HSF4: variants seen among roughly 807,000 people sequenced by gnomAD.
The protein encoded by HSF4 is heat shock transcription factor 4.
HSF4 carries 41 observed loss-of-function variants against 52.0 expected under a neutral mutation model. The observed-to-expected ratio is 0.79, with a 90% CI of 0.61 to 1.02. HSF4 has a LOEUF of 1.02. Ranked by LOEUF, HSF4 falls within the 50% of genes least tolerant of loss-of-function variation. HSF4 has a pLI of 0.00. For missense variants in HSF4, 610 were observed against 651.1 expected (o/e 0.94, Z 0.69); for synonymous variants, 285 against 273.0 (o/e 1.04, Z -0.43).
chr16:67,169,464 C>A lies in HSF4; in HGVS notation c.1324+116C>A. The stretch of plus-strand genomic sequence containing the variant: ...GAAATCCTGAGTTCAGGCTGCACTG[C>A]AGAGCGTTCCTTGAGCCACCCATGC... On this transcript the variant is annotated intron_variant, in intron 12 of 12. Transcript: ENST00000521374. This position sits in a 1 kb window ranked among gnomAD's most constrained non-coding sequence, Gnocchi z 4.3. 1 of 1,568,876 alleles carries A rather than the reference C, an allele frequency of 6.4e-7. No homozygotes were observed. Among genetic ancestry groups the A allele is most frequent in the Non-Finnish European group, 8.6e-7 (1 of 1,159,680 alleles).
Position 67,166,049 on chromosome 16 carries a change from C to A in HSF4, c.464C>A (p.Ala155Glu), listed in dbSNP as rs767158032. ...ALRGVQESTE[A>E]RLRELRQQNE... ...CGGGGAGTGCAGGAGAGCACCGAGG[C>A]GCGGCTGCGGGAGCTCAGGCAGTGC... The change falls in exon 4 of 13, where the codon GCG becomes GAG. Residue 155 changes from alanine to glutamate, a missense_variant. Coordinates refer to ENST00000521374, the MANE Select transcript of HSF4 (RefSeq NM_001374675.1). 1 of 1,398,626 alleles carries A rather than the reference C, an allele frequency of 7.1e-7. No homozygotes were observed. Among genetic ancestry groups the A allele is most frequent in the Admixed American group, 2.2e-5 (1 of 46,218 alleles). 86.6% of individuals were successfully genotyped at this position (1,398,626 alleles called of 1,614,324 possible).
exon 13 of HSF4, chr16:67,169,932 G>GT (rs3215366): frequency 0.25 from 130,578 of 520,704 alleles, 198 homozygotes; most frequent in South Asian, 0.31. The surrounding 1 kb of genome is among the most constrained non-coding windows in gnomAD (Gnocchi z 4.3). Context: ...CATAAACTCC[G>GT]TTTTTTTTTT....
chr16:67,169,838 T>G lies in HSF4; in HGVS notation c.*53T>G. ...ACCAGTCCGCCGCTGCACATCCTTCTTGGCTTCCTGGCGCCCCCTATCGGG... is the reference window on the plus strand; with the variant it reads ...ACCAGTCCGCCGCTGCACATCCTTCGTGGCTTCCTGGCGCCCCCTATCGGG... On this transcript the variant is annotated 3_prime_UTR_variant, in exon 13 of 13. Transcript: ENST00000521374. The surrounding 1 kb of genome is among the most constrained non-coding windows in gnomAD (Gnocchi z 4.3). 1.9e-6 allele frequency: 3 copies of G among 1,609,294 alleles called. No homozygotes were observed. Among genetic ancestry groups the G allele is most frequent in the Non-Finnish European group, 2.5e-6 (3 of 1,177,146 alleles).
In HSF4 at chr16:67,166,036, G is replaced by A. The variant is rs1030837052; in HGVS notation, c.451G>A (p.Glu151Lys). ...GEVQALRGVQ[E>K]STEARLRELR... ...GGTGCAGGCTTTGCGGGGAGTGCAGGAGAGCACCGAGGCGCGGCTGCGGGA... is the reference window on the plus strand; with the variant it reads ...GGTGCAGGCTTTGCGGGGAGTGCAGAAGAGCACCGAGGCGCGGCTGCGGGA... The change falls in exon 4 of 13, where the codon GAG becomes AAG. Residue 151 changes from glutamate to lysine, a missense_variant. Transcript: ENST00000521374. 1 of 1,532,598 alleles carries A rather than the reference G, an allele frequency of 6.5e-7. No homozygotes were observed. The highest frequency in any genetic ancestry group is 8.7e-7 in the Non-Finnish European group (1 of 1,146,262). The allele number at this position is 1,532,598 out of a possible 1,614,324, so 94.9% of individuals were successfully genotyped here.
At chr16:67,163,933 CG>C (rs1332169666), upstream of HSF4, 5 of 1,462,480 alleles carry the variant, frequency 3.4e-6, no homozygotes, top group Middle Eastern at 2.3e-4. Flanking sequence ...TGTTGCCCCC[CG>C]GGTCTTTACC....
Position 67,168,933 on chromosome 16 carries a change from A to G in HSF4, c.1185A>G (p.Leu395=), listed in dbSNP as rs1413937171. The change falls in exon 10 of 13, where the codon CTA becomes CTG. Residue 395 remains leucine, a synonymous_variant. Coordinates refer to ENST00000521374, the MANE Select transcript of HSF4 (RefSeq NM_001374675.1). The part of the protein sequence containing the change: ...PQESVEPAGP[L]DVLGPSLQGR... ...AAAGTGTGGAACCTGCAGGGCCTCT[A>G]GATGTGAGTACCCCTTCTGCTGAAA... 1 of 1,613,734 alleles carries G rather than the reference A, an allele frequency of 6.2e-7. No homozygotes were observed. The highest frequency in any genetic ancestry group is 8.5e-7 in the Non-Finnish European group (1 of 1,179,732).
At chr16:67,163,863 TGA>T, upstream of HSF4, 1 of 1,429,542 alleles carries the variant, frequency 7.0e-7, no homozygotes, top group Non-Finnish European at 9.0e-7. Context: ...GTAAGCGCTC[TGA>T]GAGGGAACGG....
At position 67,166,565 on chromosome 16, in the gene HSF4, A is replaced by C; in HGVS notation, c.569A>C (p.Gln190Pro). The stretch of plus-strand genomic sequence containing the variant: ...CCTTTGCTTTCTCTTCAGCTGATCC[A>C]GTGTCTCTTTGGGCCACTTCAGGCG... ...QQHRVIGKLI[Q>P]CLFGPLQAGP... is the part of the protein sequence containing the mutation. Residue 190 changes from glutamine (Q) to proline (P), a missense_variant, in exon 6 of 13, where the codon CAG (glutamine) becomes CCG (proline). Transcript: ENST00000521374. 1 of 1,613,818 alleles carries C rather than the reference A, an allele frequency of 6.2e-7. No individual in the cohort carries two copies. The highest frequency in any genetic ancestry group is 1.1e-5 in the South Asian group (1 of 91,080).
chr16:67,167,618 C>A lies in HSF4; in HGVS notation c.854+19C>A, dbSNP rs1326703647. 2 of 1,612,788 alleles carry A rather than the reference C, an allele frequency of 1.2e-6. No homozygotes were observed. Among genetic ancestry groups the A allele is most frequent in the Admixed American group, 3.3e-5 (2 of 59,932 alleles). On this transcript the variant is annotated intron_variant, in intron 8 of 12. Transcript: ENST00000521374. The stretch of plus-strand genomic sequence containing the variant: ...GCAGGAGGTAAGGGGGACAGGGCTG[C>A]CCCTGAGGGGCCTGTGGGGGAGGGC...
Position 67,164,877 on chromosome 16 carries a change from C to G in HSF4, c.66C>G (p.Gly22=). The part of the protein sequence containing the change: ...PGPSPVPAFL[G]KLWALVGDPG... ...CCAGCCCCGTGCCTGCCTTCCTCGG[C>G]AAGCTATGGGCGCTGGTGGGGGACC... Residue 22 remains glycine (G), a synonymous_variant, in exon 1 of 13, where the codon GGC becomes GGG. Transcript: ENST00000521374. 1 of 1,607,826 alleles carries G rather than the reference C, an allele frequency of 6.2e-7. No homozygotes were observed. Among genetic ancestry groups the G allele is most frequent in the Middle Eastern group, 1.7e-4 (1 of 5,796 alleles).
chr16:67,168,726 A>T, intron 9 of HSF4, 105 bp from the exon 10 acceptor site: 1 of 862,650 alleles, frequency 1.2e-6, no homozygotes. Flanking sequence ...ATCCTCTCCT[A>T]TCATTTTCTA....
In HSF4 at chr16:67,169,028, C is replaced by T. The variant is rs2031532169; in HGVS notation, c.1189-8C>T. The T allele has an allele frequency of 1.2e-6, 2 of 1,613,974 alleles. No homozygotes were observed. The highest frequency in any genetic ancestry group is 1.1e-5 in the South Asian group (1 of 91,078). On this transcript the variant is annotated splice_polypyrimidine_tract_variant and splice_region_variant and intron_variant, in intron 10 of 12. Coordinates refer to ENST00000521374, the MANE Select transcript of HSF4 (RefSeq NM_001374675.1). This position sits in a 1 kb window ranked among gnomAD's most constrained non-coding sequence, Gnocchi z 4.3. The stretch of plus-strand genomic sequence containing the variant: ...GGGAGGGCACCACTGACCCAGAGCT[C>T]TCCTCAGGTGCTGGGCCCCAGTCTC...
At chr16:67,168,774 C>T (rs1474570591) in intron 9 of HSF4, 57 bp from the exon 10 acceptor site, 10 of 1,337,202 alleles carry the variant, frequency 7.5e-6, no homozygotes, top group Non-Finnish European at 1.1e-5. Context: ...ATCTGGGTTC[C>T]TTGGGAACTT....
rs940529062 is a variant in HSF4, at chr16:67,167,818, T to C, written c.953T>C (p.Val318Ala). 2 of 1,593,886 alleles carry C rather than the reference T, an allele frequency of 1.3e-6. No homozygotes were observed. The highest frequency in any genetic ancestry group is 1.7e-4 in the Middle Eastern group (1 of 6,030). ...GCCCCAAACGAGTGTGACTTCTGCG[T>C]GACAGCCCCCCCGCCACTGCCTGTG... ...ALAPNECDFC[V>A]TAPPPLPVAV... Residue 318 changes from valine (V) to alanine (A), a missense_variant, in exon 9 of 13, where the codon GTG becomes GCG. Val to Ala is a moderately conservative substitution (Grantham distance 64). Coordinates refer to ENST00000521374, the MANE Select transcript of HSF4 (RefSeq NM_001374675.1).
At chr16:67,163,769 C>A, upstream of HSF4, 1 of 1,579,084 alleles carries the variant, frequency 6.3e-7, no homozygotes, top group Non-Finnish European at 8.5e-7. Context: ...GCACCTATAC[C>A]CTCAAGCTCA....
chr16:67,164,941 G>C lies in HSF4; in HGVS notation c.123+7G>C. The C allele has an allele frequency of 6.3e-7, 1 of 1,599,938 alleles. No individual in the cohort carries two copies. Among genetic ancestry groups the C allele is most frequent in the South Asian group, 1.1e-5 (1 of 89,486 alleles). ...CCTGATCCGCTGGAGCCCGGTGAGGGCCGGGGCCCCTCGATTCCCCCTGTG... is the reference window on the plus strand; with the variant it reads ...CCTGATCCGCTGGAGCCCGGTGAGGCCCGGGGCCCCTCGATTCCCCCTGTG... On this transcript the variant is annotated splice_region_variant and intron_variant, in intron 1 of 12. Coordinates refer to ENST00000521374, the MANE Select transcript of HSF4 (RefSeq NM_001374675.1).
In HSF4 at chr16:67,165,465, G is replaced by A. The variant is rs1474367226; in HGVS notation, c.124-57G>A. The A allele has an allele frequency of 4.1e-6, 6 of 1,480,630 alleles. No individual in the cohort carries two copies. Among genetic ancestry groups the A allele is most frequent in the African/African-American group, 2.8e-5 (2 of 72,096 alleles). 91.7% of individuals were successfully genotyped at this position (1,480,630 alleles called of 1,614,324 possible). On this transcript the variant is annotated intron_variant, in intron 1 of 12. Transcript: ENST00000521374. This position sits in a 1 kb window ranked among gnomAD's most constrained non-coding sequence, Gnocchi z 6.9. ...GGAGCGCAGGACTGGCCGTGAGCGG[G>A]CACCGCTCACCCTCCTGGTCTCCGC...
At chr16:67,163,896 C>A, upstream of HSF4, 2 of 1,524,198 alleles carry the variant, frequency 1.3e-6, no homozygotes, top group East Asian at 2.3e-5. Context: ...CAGGCGCGCC[C>A]CGAGTGCTAG....
At position 67,164,869 on chromosome 16, in the gene HSF4, T is replaced by A. The variant is rs2031126133; in HGVS notation, c.58T>A (p.Phe20Ile). 1 of 1,607,320 alleles carries A rather than the reference T, an allele frequency of 6.2e-7. No individual in the cohort carries two copies. Among genetic ancestry groups the A allele is most frequent in the Non-Finnish European group, 8.5e-7 (1 of 1,178,984 alleles). ...TEPGPSPVPA[F>I]LGKLWALVGD... Reference sequence around the variant, plus strand: ...GCCAGGCCCCAGCCCCGTGCCTGCCTTCCTCGGCAAGCTATGGGCGCTGGT... The same window carrying A: ...GCCAGGCCCCAGCCCCGTGCCTGCCATCCTCGGCAAGCTATGGGCGCTGGT... Residue 20 changes from phenylalanine to isoleucine, a missense_variant, in exon 1 of 13, where the codon TTC (phenylalanine) becomes ATC (isoleucine). Transcript: ENST00000521374.
Sources: allele counts gnomAD v4.1 joint callset, GRCh38; gene constraint gnomAD v4.1.1; non-coding constraint Gnocchi (gnomAD v3.1); transcripts MANE v1.5; gene names NCBI Gene and HGNC (gene_info 2026-07-23, HGNC 2026-07-21).